NOC3L: variants seen among roughly 807,000 people sequenced by gnomAD.
NOC3L encodes the protein NOC3 like DNA replication regulator, also known as nucleolar complex protein 3 homolog.
NOC3L carries 85 observed loss-of-function variants against 102.5 expected under a neutral mutation model. The ratio of observed to expected loss-of-function variants is 0.83; its 90% CI spans 0.70 to 0.99. NOC3L has a LOEUF of 0.99. NOC3L is among the 50% of genes least tolerant of loss of function. The pLI is 0.00. For synonymous variants in NOC3L, 303 were observed against 309.4 expected, an observed-to-expected ratio of 0.98 and a Z score of 0.22; for missense variants, 878 against 914.9, an observed-to-expected ratio of 0.96 and a Z score of 0.52.
chr10:94,328,931 AAACCT>A (rs1396317913), downstream of NOC3L: 1 of 152,220 alleles, frequency 6.6e-6, no homozygotes, highest in African/African-American at 2.4e-5. Context: ...TCTTAACAAG[AAACCT>A]AACAATTTTT....
At position 94,339,924 on chromosome 10, in the gene NOC3L, A is replaced by C; in HGVS notation, c.1781-4T>G. 6.2e-7 allele frequency: 1 copy of C among 1,611,672 alleles called. No homozygotes were observed. Among genetic ancestry groups the C allele is most frequent in the East Asian group, 2.2e-5 (1 of 44,872 alleles). On this transcript the variant is annotated splice_polypyrimidine_tract_variant and splice_region_variant and intron_variant, in intron 16 of 20. Transcript: ENST00000371361. The stretch of plus-strand genomic sequence containing the variant: ...TCAACACCTTCATTGGTAGCACCTA[A>C]AACAGCAGACATATTCTTCAGAGCT...
chr10:94,362,522 C>G (rs1385832275), intron 1 of NOC3L, among the ~76,000 whole-genome samples: 1 of 152,170 alleles, frequency 6.6e-6, no homozygotes, highest in African/African-American at 2.4e-5. Flanking sequence ...ATTATAAACT[C>G]GCTGAGGGTA....
At position 94,352,318 on chromosome 10, in the gene NOC3L, A is replaced by G. The variant is rs1262134080; in HGVS notation, c.944T>C (p.Met315Thr). 6.2e-7 allele frequency: 1 copy of G among 1,601,688 alleles called. No homozygotes were observed. The highest frequency in any genetic ancestry group is 8.6e-7 in the Non-Finnish European group (1 of 1,169,500). The change falls in exon 8 of 21, where the codon ATG becomes ACG. Residue 315 changes from methionine (M) to threonine (T), a missense_variant. Met to Thr is a moderately conservative substitution (Grantham distance 81, BLOSUM62 -1). Transcript: ENST00000371361. Reference sequence around the variant, plus strand: ...AGATATGTTTAATATACCTTTAACCATTTGTTCCAGATTTTCCAAATAAAA... The same window carrying G: ...AGATATGTTTAATATACCTTTAACCGTTTGTTCCAGATTTTCCAAATAAAA... ...YKFYLENLEQ[M>T]VKDWKQRKLK...
chr10:94,339,251 A>T (rs1457994762), intron 17 of NOC3L, among the ~76,000 whole-genome samples: 1 of 152,252 alleles, frequency 6.6e-6, no homozygotes, highest in African/African-American at 2.4e-5. Flanking sequence ...TAGCTACCTC[A>T]GAGTTATGAA....
chr10:94,327,287 C>T, the NOC3L span, among the ~76,000 whole-genome samples: 1 of 151,554 alleles, frequency 6.6e-6, no homozygotes, highest in African/African-American at 2.4e-5. Flanking sequence ...AAGAAGAGCT[C>T]ATAAGAAAAG....
At chr10:94,336,823 C>T (rs1258540141) in intron 19 of NOC3L, among the ~76,000 whole-genome samples, 1 of 151,660 alleles carries the variant, frequency 6.6e-6, no homozygotes, top group Non-Finnish European at 1.5e-5. Context: ...AATCCCAACA[C>T]TTTAGGAGGC....
Position 94,340,258 on chromosome 10 carries a change from T to C in NOC3L, c.1780+18A>G, listed in dbSNP as rs376801264. 71 of 1,574,620 alleles carry C rather than the reference T, an allele frequency of 4.5e-5. No homozygotes were observed. The African/African-American group carries it at 8.8e-4, about 20-fold the overall frequency. On this transcript the variant is annotated intron_variant, in intron 16 of 20. Transcript: ENST00000371361. ...AACATAAATACATATAAAAGAAACA[T>C]TATCTAAACATACATACCTGCATGT... is the stretch of plus-strand genomic sequence containing the variant.
chr10:94,327,548 G>C, the NOC3L span, among the ~76,000 whole-genome samples: 1 of 152,088 alleles, frequency 6.6e-6, no homozygotes, highest in African/African-American at 2.4e-5. Flanking sequence ...CAAAAAGAAA[G>C]TTAGTTTAGT....
chr10:94,337,785 C>G lies in NOC3L; in HGVS notation c.2181G>C (p.Leu727Phe), dbSNP rs368421678. ...SEGSGALKPE[L>F]SRRSATELFE... The stretch of plus-strand genomic sequence containing the variant: ...GCAATGCTAAATATTACCTTCGACT[C>G]AACTCTGGTTTGAGTGCTCCAGAGC... The change falls in exon 19 of 21, where the codon TTG (leucine) becomes TTC (phenylalanine). Residue 727 changes from leucine (L) to phenylalanine (F), a missense_variant. Physicochemically the swap from Leu to Phe is conservative, Grantham distance 22 (BLOSUM62 0). Coordinates refer to ENST00000371361, the MANE Select transcript of NOC3L (RefSeq NM_022451.11). 1 of 1,611,340 alleles carries G rather than the reference C, an allele frequency of 6.2e-7. No homozygotes were observed. The highest frequency in any genetic ancestry group is 1.1e-5 in the South Asian group (1 of 90,896).
At chr10:94,328,048 T>C in the NOC3L span, 14 of 508,940 alleles carry the variant, frequency 2.8e-5, no homozygotes, top group Middle Eastern at 9.6e-4. Flanking sequence ...AAACTGGAAA[T>C]TGATGATTTC....
intron 4 of NOC3L, 73 bp from the exon 5 acceptor site, chr10:94,356,664 G>GA (rs2054489560): frequency 6.7e-6 from 6 of 896,086 alleles, no homozygotes; most frequent in Middle Eastern, 2.2e-4. Flanking sequence ...AATGCTAGGA[G>GA]GTGATTACGA....
intron 6 of NOC3L, among the ~76,000 whole-genome samples, 160 bp from the exon 7 acceptor site, chr10:94,353,217 G>A (rs1040107244): frequency 6.6e-6 from 1 of 152,204 alleles, no homozygotes; most frequent in African/African-American, 2.4e-5. Context: ...TTTACCAAGA[G>A]ATAAGTCACT....
At chr10:94,346,322 T>A in intron 11 of NOC3L, 103 bp downstream of exon 11, 2 of 878,502 alleles carry the variant, frequency 2.3e-6, no homozygotes, top group Non-Finnish European at 3.2e-6. Flanking sequence ...TCAAAACTTT[T>A]ATGTTTATGA....
At chr10:94,352,833 G>T in intron 7 of NOC3L, 63 bp downstream of exon 7, 1 of 1,417,028 alleles carries the variant, frequency 7.1e-7, no homozygotes, top group Non-Finnish European at 9.7e-7. Flanking sequence ...AAAAAAAAAA[G>T]TCTATCTCTC....
chr10:94,346,907 A>G (rs932259781), intron 10 of NOC3L, among the ~76,000 whole-genome samples: 1 of 152,160 alleles, frequency 6.6e-6, no homozygotes, highest in African/African-American at 2.4e-5. Context: ...AAGATACACA[A>G]ATTGCTGGGC....
chr10:94,348,633 CCTGA>C (rs1315359631), intron 10 of NOC3L, among the ~76,000 whole-genome samples: 8 of 151,986 alleles, frequency 5.3e-5, no homozygotes, highest in African/African-American at 9.7e-5. Flanking sequence ...TTTTCACCTA[CCTGA>C]CTAACAAAGA....
intron 4 of NOC3L, among the ~76,000 whole-genome samples, chr10:94,356,866 T>A (rs2054492563): frequency 6.6e-6 from 1 of 152,146 alleles, no homozygotes; most frequent in Non-Finnish European, 1.5e-5. Context: ...TTATTTCACA[T>A]ACAAAAGAAG....
chr10:94,337,068 CAA>C (rs577577956), intron 19 of NOC3L, among the ~76,000 whole-genome samples: 30 of 78,450 alleles, frequency 3.8e-4, no homozygotes, highest in Admixed American at 4.3e-4. Context: ...GACTCCATCT[CAA>C]AAAAAAAAAA....
At position 94,333,442 on chromosome 10, in the gene NOC3L, C is replaced by G. The variant is rs543772378; in HGVS notation, c.*735G>C. ...CATTGAGTATCCTTTGTCTCTAGATCAGAATGGTAAAGTCTTGGGCCTGGT... is the reference window on the plus strand; with the variant it reads ...CATTGAGTATCCTTTGTCTCTAGATGAGAATGGTAAAGTCTTGGGCCTGGT... On this transcript the variant is annotated 3_prime_UTR_variant, in exon 21 of 21. Transcript: ENST00000371361. 3.9e-5 allele frequency: 6 copies of G among 152,236 alleles called. No individual in the cohort carries two copies. The East Asian group carries it at 1.2e-3, about 29-fold the overall frequency. The allele number at this position is 152,236 out of a possible 1,614,324, so 9.4% of individuals were successfully genotyped here.
Sources: gnomAD v4.1 joint callset for allele counts (sites outside exome capture counted in the v4.1 genomes callset) on GRCh38, gnomAD v4.1.1 for gene constraint, MANE v1.5 for transcripts, NCBI Gene and HGNC (gene_info 2026-07-23, HGNC 2026-07-21) for gene names.